The following EPHA6 variants were observed in gnomAD, a reference collection of about 807,000 sequenced individuals.
EPHA6 encodes ephrin type-A receptor 6.
In EPHA6, 50 loss-of-function variants were observed where a neutral mutation model predicts 112.0. The observed-to-expected ratio is 0.45, with a 90% CI of 0.36 to 0.56. The LOEUF (loss-of-function observed/expected upper bound fraction) is 0.56, where lower values mean the gene tolerates loss of function less well. Ranked by LOEUF, EPHA6 falls within the 20% of genes least tolerant of loss-of-function variation. The probability of loss-of-function intolerance (pLI) is 0.00; values close to 1 mark genes in which losing one functional copy is unlikely to be tolerated. For synonymous variants in EPHA6, 529 were observed against 490.7 expected (o/e 1.08, Z -1.03); for missense variants, 1,280 against 1,417.4 (o/e 0.90, Z 1.56).
chr3:97,384,045 GT>G, intron 5 of EPHA6, among the ~76,000 whole-genome samples: 1 of 152,140 alleles, frequency 6.6e-6, no homozygotes, highest in East Asian at 1.9e-4. Flanking sequence ...GAATATGTAA[GT>G]TTTTTTCTAG....
chr3:97,448,796 T>G, intron 7 of EPHA6, 66 bp downstream of exon 7: 6 of 1,544,062 alleles, frequency 3.9e-6, no homozygotes, highest in Non-Finnish European at 5.3e-6. Context: ...GACCTGATAT[T>G]TTAAAACCAG....
At chr3:97,646,146 T>C in intron 14 of EPHA6, 1 of 1,533,564 alleles carries the variant, frequency 6.5e-7, no homozygotes, top group Non-Finnish European at 8.7e-7. Context: ...CAAAGAGCAA[T>C]CAGAACTGGT....
intron 2 of EPHA6, among the ~76,000 whole-genome samples, chr3:96,909,110 A>G (rs1446556571): frequency 6.6e-6 from 1 of 151,968 alleles, no homozygotes; most frequent in Non-Finnish European, 1.5e-5. Context: ...TAATATAACT[A>G]GTTATTTTGG....
At chr3:97,319,048 A>G (rs772353163) in intron 5 of EPHA6, among the ~76,000 whole-genome samples, 53 of 151,972 alleles carry the variant, frequency 3.5e-4, no homozygotes, top group East Asian at 1.2e-3. Context: ...GTTGATGTCA[A>G]TCTGTTCCTT....
chr3:97,575,108 G>A (rs1177531856), intron 11 of EPHA6, among the ~76,000 whole-genome samples: 1 of 152,022 alleles, frequency 6.6e-6, no homozygotes, highest in East Asian at 1.9e-4. Flanking sequence ...TACTATCTGT[G>A]TTAATAAGAG....
intron 5 of EPHA6, among the ~76,000 whole-genome samples, chr3:97,366,589 C>G (rs906299256): frequency 6.6e-6 from 1 of 151,314 alleles, no homozygotes; most frequent in Non-Finnish European, 1.5e-5. Flanking sequence ...TAGCACATCA[C>G]CATGGAACAC....
chr3:97,058,209 G>A (rs1181306264), intron 3 of EPHA6, among the ~76,000 whole-genome samples: 1 of 151,316 alleles, frequency 6.6e-6, no homozygotes, highest in Non-Finnish European at 1.5e-5. Context: ...ATAAATATGT[G>A]AAAAAAATAT....
Position 97,475,334 on chromosome 3 carries a change from A to G in EPHA6, c.1895-18A>G. 1 of 1,581,222 alleles carries G rather than the reference A, an allele frequency of 6.3e-7. No homozygotes were observed. The highest frequency in any genetic ancestry group is 8.7e-7 in the Non-Finnish European group (1 of 1,155,066). On this transcript the variant is annotated intron_variant, in intron 7 of 17. Transcript: ENST00000389672. Reference sequence around the variant, plus strand: ...AAATGTCACCCAGGGAAATTTTAATATTGTATCTCTGTTTCAGCTTCTGAC... The same window carrying G: ...AAATGTCACCCAGGGAAATTTTAATGTTGTATCTCTGTTTCAGCTTCTGAC...
rs929696929 is a variant in EPHA6, at chr3:96,952,018, G to A, written c.451-35312G>A. Among the ~76,000 whole-genome samples, 7 of 152,002 alleles carry A rather than the reference G, an allele frequency of 4.6e-5. No individual in the cohort carries two copies. The South Asian group carries it at 1.0e-3, about 23-fold the overall frequency. On this transcript the variant is annotated intron_variant, in intron 2 of 17. Coordinates refer to ENST00000389672, the MANE Select transcript of EPHA6 (RefSeq NM_001080448.3). Reference sequence around the variant, plus strand: ...GGTTTGATATAAGGACAGACTAGGTGGGTATACTTAATCTTGACAGTCAAG... The same window carrying A: ...GGTTTGATATAAGGACAGACTAGGTAGGTATACTTAATCTTGACAGTCAAG...
At chr3:97,243,790 C>T (rs893315025) in intron 4 of EPHA6, among the ~76,000 whole-genome samples, 162 bp from the exon 5 acceptor site, 9 of 151,762 alleles carry the variant, frequency 5.9e-5, no homozygotes, top group Non-Finnish European at 1.2e-4. Flanking sequence ...CCTACTAGAC[C>T]TAATGAGCTA....
intron 7 of EPHA6, among the ~76,000 whole-genome samples, chr3:97,462,451 C>A (rs2090921894): frequency 6.6e-6 from 1 of 152,120 alleles, no homozygotes; most frequent in African/African-American, 2.4e-5. Context: ...AGGACAGCCT[C>A]TGTGGAATCC....
chr3:97,432,476 A>T (rs1177783440), intron 6 of EPHA6, among the ~76,000 whole-genome samples: 2 of 152,140 alleles, frequency 1.3e-5, no homozygotes, highest in African/African-American at 4.8e-5. Context: ...TTTTTAACAA[A>T]GCATGCTGTG....
chr3:97,754,441 G>T lies in EPHA6; in HGVS notation c.*5740G>T, dbSNP rs1199624262. On this transcript the variant is annotated 3_prime_UTR_variant, in exon 18 of 18. Transcript: ENST00000389672. ...TGGATTCTTTGCTCTTAATTCAAAA[G>T]AGTTTTTGTTTTATTAGCATTTACT... Among the ~76,000 whole-genome samples, 1 of 152,094 alleles carries T rather than the reference G, an allele frequency of 6.6e-6. No individual in the cohort carries two copies. The highest frequency in any genetic ancestry group is 1.5e-5 in the Non-Finnish European group (1 of 67,994).
At chr3:96,954,227 G>A (rs916220143) in intron 2 of EPHA6, among the ~76,000 whole-genome samples, 5 of 152,180 alleles carry the variant, frequency 3.3e-5, no homozygotes, top group Non-Finnish European at 7.4e-5. Flanking sequence ...GACAGCCAGC[G>A]GAATGACCCA....
chr3:97,364,900 A>AAT (rs1166042264), intron 5 of EPHA6, among the ~76,000 whole-genome samples: 16 of 152,260 alleles, frequency 1.1e-4, no homozygotes, highest in Admixed American at 3.3e-4. Flanking sequence ...TATTGTAAGC[A>AAT]ACTTTTCCAT....
chr3:97,606,138 T>A (rs774714094), intron 12 of EPHA6: 11 of 151,380 alleles, frequency 7.3e-5, no homozygotes, highest in Non-Finnish European at 1.5e-4. Context: ...TTTATACTAA[T>A]TGACTGTTTA....
intron 3 of EPHA6, among the ~76,000 whole-genome samples, chr3:97,064,548 T>G (rs1417741033): frequency 6.6e-6 from 1 of 152,148 alleles, no homozygotes; most frequent in Non-Finnish European, 1.5e-5. Context: ...GAATATCTGG[T>G]CCAGTGCCTG....
chr3:97,316,643 G>A (rs1212394388), intron 5 of EPHA6, among the ~76,000 whole-genome samples: 2 of 151,788 alleles, frequency 1.3e-5, no homozygotes, highest in Non-Finnish European at 1.5e-5. Context: ...TTTAGATTCA[G>A]GTTTCTTTAC....
At chr3:97,457,227 T>G (rs1247770518) in intron 7 of EPHA6, among the ~76,000 whole-genome samples, 1 of 152,174 alleles carries the variant, frequency 6.6e-6, no homozygotes, top group Non-Finnish European at 1.5e-5. Flanking sequence ...AATGATGTTT[T>G]AAAGCATTAG....
Sources: allele counts gnomAD v4.1 joint callset (sites outside exome capture counted in the v4.1 genomes callset), GRCh38; gene constraint gnomAD v4.1.1; transcripts MANE v1.5; gene names NCBI Gene and HGNC (gene_info 2026-07-23, HGNC 2026-07-21).